Variants in ANKS1B observed in about 807,000 individuals in gnomAD.
ANKS1B encodes ankyrin repeat and sterile alpha motif domain-containing protein 1B.
In ANKS1B, 36 loss-of-function variants were observed where a neutral mutation model predicts 148.3. The ratio of observed to expected loss-of-function variants is 0.24; its 90% CI spans 0.19 to 0.32. The LOEUF (loss-of-function observed/expected upper bound fraction) is 0.32, where lower values mean the gene tolerates loss of function less well. Among genes scored for constraint, ANKS1B ranks in the 10% least tolerant of loss-of-function variants. The probability of loss-of-function intolerance (pLI) is 1.00; values close to 1 mark genes in which losing one functional copy is unlikely to be tolerated. For missense variants in ANKS1B, 1,157 were observed against 1,542.6 expected, an observed-to-expected ratio of 0.75 and a Z score of 4.19; for synonymous variants, 542 against 560.8, an observed-to-expected ratio of 0.97 and a Z score of 0.47.
intron 14 of ANKS1B, among the ~76,000 whole-genome samples, chr12:99,190,573 ACAAAAACAAG>A (rs1326117564): frequency 2.0e-5 from 3 of 152,332 alleles, no homozygotes; most frequent in Middle Eastern, 3.4e-3. Flanking sequence ...GACAAGCCTG[ACAAAAACAAG>A]CAATGGGGAA....
intron 12 of ANKS1B, among the ~76,000 whole-genome samples, chr12:99,272,775 GA>G (rs1328053611): frequency 6.6e-6 from 1 of 152,004 alleles, no homozygotes; most frequent in Non-Finnish European, 1.5e-5. Context: ...TTCTTCTCTA[GA>G]CCATTTGAGA....
At chr12:99,020,403 T>C (rs1294927578) in intron 17 of ANKS1B, among the ~76,000 whole-genome samples, 1 of 152,152 alleles carries the variant, frequency 6.6e-6, no homozygotes, top group Non-Finnish European at 1.5e-5. Flanking sequence ...TTTTATCTGT[T>C]ATTAATTTTA....
intron 8 of ANKS1B, among the ~76,000 whole-genome samples, chr12:99,759,845 A>C (rs2061917330): frequency 1.3e-5 from 2 of 151,980 alleles, no homozygotes; most frequent in Admixed American, 1.3e-4. Context: ...AAAACATTAC[A>C]ATTAGCTCAT....
Position 99,806,434 on chromosome 12 carries a change from C to G in ANKS1B, c.639G>C (p.Leu213=). 1 of 1,613,942 alleles carries G rather than the reference C, an allele frequency of 6.2e-7. No individual in the cohort carries two copies. Among genetic ancestry groups the G allele is most frequent in the African/African-American group, 1.3e-5 (1 of 75,064 alleles). The change falls in exon 4 of 27, where the codon CTG becomes CTC. Residue 213 remains leucine (L), a synonymous_variant. Transcript: ENST00000683438. ...AGCTCACATCCATTCCTGCCTCCAG[C>G]AGCACCTGCACGACTGCTTTGTGGC... is the stretch of plus-strand genomic sequence containing the variant. ...RNGHKAVVQV[L]LEAGMDVSCQ... is the part of the protein sequence containing the mutation.
chr12:98,875,918 T>A (rs2099688118), intron 17 of ANKS1B, among the ~76,000 whole-genome samples: 1 of 150,724 alleles, frequency 6.6e-6, no homozygotes, highest in South Asian at 2.1e-4. Context: ...GGTGTGCACC[T>A]GTTGGCCGGT....
At chr12:99,907,829 A>C (rs2093845862) in intron 1 of ANKS1B, among the ~76,000 whole-genome samples, 1 of 151,238 alleles carries the variant, frequency 6.6e-6, no homozygotes, top group East Asian at 2.0e-4. Flanking sequence ...AAAAAAAAAA[A>C]AAAAAAAAAC....
At chr12:99,859,105 A>G (rs2153715008) in intron 1 of ANKS1B, among the ~76,000 whole-genome samples, 1 of 152,344 alleles carries the variant, frequency 6.6e-6, no homozygotes, top group Non-Finnish European at 1.5e-5. Flanking sequence ...AAAGGAATAT[A>G]CTGATGTAAA....
intron 17 of ANKS1B, among the ~76,000 whole-genome samples, chr12:98,950,900 G>C (rs1397279136): frequency 1.3e-5 from 2 of 152,130 alleles, no homozygotes; most frequent in Non-Finnish European, 2.9e-5. Flanking sequence ...TTACAGATGT[G>C]AGCCACTGTG....
chr12:99,219,562 G>C (rs1165118581), intron 14 of ANKS1B, among the ~76,000 whole-genome samples: 1 of 152,130 alleles, frequency 6.6e-6, no homozygotes, highest in Non-Finnish European at 1.5e-5. Context: ...TCTCTTACAG[G>C]TTAGCTGGGC....
intron 8 of ANKS1B, among the ~76,000 whole-genome samples, chr12:99,700,330 C>T (rs2054603905): frequency 6.6e-6 from 1 of 152,154 alleles, no homozygotes; most frequent in East Asian, 1.9e-4. Flanking sequence ...GGGGTGAGTT[C>T]CAAGACCCCC....
chr12:99,228,295 CT>C (rs565713399), intron 14 of ANKS1B, among the ~76,000 whole-genome samples: 103 of 151,960 alleles, frequency 6.8e-4, no homozygotes, highest in Non-Finnish European at 1.0e-3. Flanking sequence ...AAGTTATTTA[CT>C]TTACTAAAGT....
intron 9 of ANKS1B, among the ~76,000 whole-genome samples, chr12:99,579,446 A>G (rs1247813337): frequency 6.6e-6 from 1 of 152,186 alleles, no homozygotes; most frequent in East Asian, 1.9e-4. Context: ...TTTGCAAACT[A>G]TGCATCCATC....
intron 12 of ANKS1B, among the ~76,000 whole-genome samples, chr12:99,265,576 A>G (rs2076369750): frequency 1.3e-5 from 2 of 152,170 alleles, no homozygotes; most frequent in Admixed American, 6.5e-5. Flanking sequence ...CAGCAGTCAC[A>G]AAAGGGACTT....
chr12:99,175,418 T>A (rs779941851), intron 14 of ANKS1B, among the ~76,000 whole-genome samples: 12 of 152,224 alleles, frequency 7.9e-5, no homozygotes, highest in Non-Finnish European at 1.6e-4. Context: ...CATATACATC[T>A]TGTACACATA....
At chr12:99,325,728 T>C (rs1311540792) in intron 12 of ANKS1B, among the ~76,000 whole-genome samples, 1 of 152,046 alleles carries the variant, frequency 6.6e-6, no homozygotes, top group Non-Finnish European at 1.5e-5. Context: ...AGAATTGTAA[T>C]AGGAGATGGA....
At chr12:98,790,144 C>T (rs1177300022) in intron 22 of ANKS1B, among the ~76,000 whole-genome samples, 2 of 152,110 alleles carry the variant, frequency 1.3e-5, no homozygotes, top group African/African-American at 2.4e-5. Context: ...TGAAAAAACA[C>T]ACTGTTTGAA....
intron 12 of ANKS1B, among the ~76,000 whole-genome samples, chr12:99,386,795 A>G (rs2093876768): frequency 6.6e-6 from 1 of 152,230 alleles, no homozygotes; most frequent in South Asian, 2.1e-4. Context: ...TAAAAATGAC[A>G]TATCTCCCTG....
chr12:99,298,697 A>C (rs1008597594), intron 12 of ANKS1B, among the ~76,000 whole-genome samples: 4 of 152,204 alleles, frequency 2.6e-5, no homozygotes, highest in Non-Finnish European at 5.9e-5. Context: ...CCTAGATTAC[A>C]TCAGTAAGTG....
Position 99,063,813 on chromosome 12 carries a change from G to A in ANKS1B, c.2626-10504C>T, listed in dbSNP as rs144062419. ...TGGGAATGGAAAGGATTAATATACT[G>A]TGACTGTTGTTGGAAAGCAAGGAGT... On this transcript the variant is annotated intron_variant, in intron 16 of 26. Coordinates refer to ENST00000683438, the MANE Select transcript of ANKS1B (RefSeq NM_001352186.2). 3.9e-5 allele frequency among the ~76,000 whole-genome samples: 6 copies of A among 152,282 alleles called. No individual in the cohort carries two copies. The East Asian group carries it at 1.2e-3, about 29-fold the overall frequency.
Sources: gnomAD v4.1 joint callset for allele counts (sites outside exome capture counted in the v4.1 genomes callset) on GRCh38, gnomAD v4.1.1 for gene constraint, MANE v1.5 for transcripts, NCBI Gene and HGNC (gene_info 2026-07-23, HGNC 2026-07-21) for gene names.